RBFOX1: variants seen among roughly 807,000 people sequenced by gnomAD.
The protein encoded by RBFOX1 is RNA binding protein fox-1 homolog 1.
RBFOX1 carries 8 observed loss-of-function variants against 57.7 expected under a neutral mutation model. The observed-to-expected ratio is 0.14, with a 90% CI of 0.08 to 0.25. The LOEUF (loss-of-function observed/expected upper bound fraction) is 0.25, where lower values mean the gene tolerates loss of function less well. RBFOX1 is among the 10% of genes least tolerant of loss of function. RBFOX1 has a pLI of 1.00. For synonymous variants in RBFOX1, 326 were observed against 222.4 expected (o/e 1.47, Z -4.15); for missense variants, 611 against 548.5 (o/e 1.11, Z -1.14).
intron 1 of RBFOX1, among the ~76,000 whole-genome samples, chr16:6,239,593 G>A (rs2097529395): frequency 7.3e-6 from 1 of 137,136 alleles, no homozygotes; most frequent in South Asian, 2.4e-4. Context: ...CCGCCACCTG[G>A]TTCAAGCAGT....
chr16:7,551,112 A>C (rs1466659455), intron 5 of RBFOX1, among the ~76,000 whole-genome samples: 1 of 151,096 alleles, frequency 6.6e-6, no homozygotes, highest in African/African-American at 2.5e-5. Flanking sequence ...AAAAGAAAAA[A>C]AAAGAATATT....
chr16:7,234,397 G>A (rs1043401534), intron 4 of RBFOX1, among the ~76,000 whole-genome samples: 1 of 152,010 alleles, frequency 6.6e-6, no homozygotes, highest in East Asian at 1.9e-4. Flanking sequence ...CCACAAAGTG[G>A]GAAAAGCTAA....
chr16:6,019,437 C>A lies in RBFOX1; in HGVS notation c.-682C>A. ...GACGGCGGACGGAGCCCAGGGGCCG[C>A]GTCGGGTGGGGAAACCCGAACTCGC... On this transcript the variant is annotated 5_prime_UTR_variant, in exon 1 of 16. Coordinates refer to ENST00000550418, the MANE Select transcript of RBFOX1 (RefSeq NM_018723.4). The surrounding 1 kb of genome is among the most constrained non-coding windows in gnomAD (Gnocchi z 4.2). 1.0e-6 allele frequency: 1 copy of A among 989,064 alleles called. No homozygotes were observed. Among genetic ancestry groups the A allele is most frequent in the South Asian group, 4.7e-5 (1 of 21,330 alleles). The allele number at this position is 989,064 out of a possible 1,614,324, so 61.3% of individuals were successfully genotyped here. A position where few individuals can be genotyped will look rare whatever the true frequency, so the allele number is the denominator to read the frequency against.
intron 4 of RBFOX1, among the ~76,000 whole-genome samples, chr16:7,151,801 G>T (rs1199096634): frequency 1.3e-5 from 2 of 152,098 alleles, no homozygotes; most frequent in Admixed American, 6.6e-5. Context: ...TCAGGCATTA[G>T]ATTCTCATAA....
chr16:5,634,662 C>G (rs1387793676), intron 3 of RBFOX1, among the ~76,000 whole-genome samples: 1 of 152,102 alleles, frequency 6.6e-6, no homozygotes, highest in East Asian at 1.9e-4. Flanking sequence ...ATAGATCACT[C>G]GGAGTCAAAG....
chr16:5,315,298 T>G (rs1362689677), intron 1 of RBFOX1, among the ~76,000 whole-genome samples: 1 of 152,142 alleles, frequency 6.6e-6, no homozygotes, highest in Non-Finnish European at 1.5e-5. Context: ...AAGTCAAAAT[T>G]AGCATTTCCA....
chr16:6,650,291 T>C (rs950204914), intron 2 of RBFOX1, among the ~76,000 whole-genome samples: 3 of 122,080 alleles, frequency 2.5e-5, no homozygotes, highest in Non-Finnish European at 5.7e-5. Flanking sequence ...TTTATTTTTT[T>C]CTTTTTTTGC....
At chr16:5,730,828 C>A (rs141546244) in intron 3 of RBFOX1, among the ~76,000 whole-genome samples, 1 of 151,990 alleles carries the variant, frequency 6.6e-6, no homozygotes, top group African/African-American at 2.4e-5. Flanking sequence ...ATTGTCACCA[C>A]CATTATCATC....
intron 10 of RBFOX1, among the ~76,000 whole-genome samples, chr16:7,618,663 TATAA>T (rs2058843034): frequency 6.6e-6 from 1 of 152,202 alleles, no homozygotes; most frequent in Non-Finnish European, 1.5e-5. Context: ...TAAGTTGGTG[TATAA>T]ATAGAAATAA....
At chr16:7,497,661 T>C (rs1244300320) in intron 4 of RBFOX1, among the ~76,000 whole-genome samples, 2 of 152,220 alleles carry the variant, frequency 1.3e-5, no homozygotes, top group Non-Finnish European at 2.9e-5. Flanking sequence ...TTTCTAAACA[T>C]AGTCAAAAAC....
At chr16:5,732,501 T>C (rs1225925822) in intron 3 of RBFOX1, among the ~76,000 whole-genome samples, 3 of 152,056 alleles carry the variant, frequency 2.0e-5, no homozygotes, top group African/African-American at 4.8e-5. Flanking sequence ...TGTGCAGAAA[T>C]GAGAGATGGC....
chr16:6,182,789 T>C (rs2097074539), intron 1 of RBFOX1, among the ~76,000 whole-genome samples: 1 of 152,234 alleles, frequency 6.6e-6, no homozygotes, highest in Admixed American at 6.5e-5. Flanking sequence ...CTGAAACATA[T>C]GTGAATATAG....
intron 3 of RBFOX1, among the ~76,000 whole-genome samples, chr16:6,666,592 C>T (rs568609807): frequency 2.7e-5 from 4 of 150,154 alleles, no homozygotes; most frequent in African/African-American, 9.8e-5. Context: ...CAGGTGGTAA[C>T]TGTGGAGGTG....
At chr16:6,720,596 G>C (rs2065791352) in intron 3 of RBFOX1, among the ~76,000 whole-genome samples, 1 of 152,188 alleles carries the variant, frequency 6.6e-6, no homozygotes, top group Admixed American at 6.5e-5. Context: ...AGAAACAGAA[G>C]TGAGAGGGGT....
At chr16:7,645,934 C>A (rs1383294584) in intron 11 of RBFOX1, among the ~76,000 whole-genome samples, 1 of 149,316 alleles carries the variant, frequency 6.7e-6, no homozygotes, top group East Asian at 2.0e-4. Flanking sequence ...GCTTTCTCCC[C>A]CACCCACCAC....
chr16:7,646,947 G>A (rs2063854906), intron 11 of RBFOX1, among the ~76,000 whole-genome samples: 1 of 152,002 alleles, frequency 6.6e-6, no homozygotes, highest in Admixed American at 6.6e-5. Flanking sequence ...GGAGGTGGGG[G>A]CTTTGTTTTT....
Position 5,657,187 on chromosome 16 carries a change from G to T in RBFOX1, c.318+58226G>T, listed in dbSNP as rs544383063. 3.3e-5 allele frequency among the ~76,000 whole-genome samples: 5 copies of T among 152,322 alleles called. No individual in the cohort carries two copies. The South Asian group carries it at 8.3e-4, about 25-fold the overall frequency. ...TATTTATTAGTTTTTCTCTGGGAAT[G>T]ATCTGGTTGATTGGAGAACTCTGGT... On this transcript the variant is annotated intron_variant, in intron 3 of 19. Coordinates refer to the RBFOX1 transcript ENST00000641259.
chr16:6,153,049 T>G (rs1448904185), intron 1 of RBFOX1, among the ~76,000 whole-genome samples: 1 of 146,570 alleles, frequency 6.8e-6, no homozygotes, highest in Non-Finnish European at 1.5e-5. Context: ...TTTTTTTTTT[T>G]GTTAATTTTA....
intron 4 of RBFOX1, among the ~76,000 whole-genome samples, chr16:7,264,930 G>A (rs1434074447): frequency 2.6e-5 from 4 of 152,198 alleles, no homozygotes; most frequent in Non-Finnish European, 5.9e-5. Flanking sequence ...ATCAGGCCAA[G>A]AGTCCAACAC....
Sources: gnomAD v4.1 joint callset for allele counts (sites outside exome capture counted in the v4.1 genomes callset) on GRCh38, gnomAD v4.1.1 for gene constraint, Gnocchi (gnomAD v3.1) non-coding constraint, MANE v1.5 for transcripts, NCBI Gene and HGNC (gene_info 2026-07-23, HGNC 2026-07-21) for gene names.